NPAS1: variants seen among roughly 807,000 people sequenced by gnomAD.
NPAS1 encodes the protein neuronal PAS domain-containing protein 1.
A neutral mutation model predicts 49.2 loss-of-function variants in NPAS1; 29 were observed. The ratio of observed to expected loss-of-function variants is 0.59; its 90% CI spans 0.44 to 0.80. The LOEUF (loss-of-function observed/expected upper bound fraction) is 0.80, where lower values mean the gene tolerates loss of function less well. Among genes scored for constraint, NPAS1 ranks in the 30% least tolerant of loss-of-function variants. The pLI is 0.00. For synonymous variants in NPAS1, 408 were observed against 380.4 expected, an observed-to-expected ratio of 1.07 and a Z score of -0.84; for missense variants, 825 against 835.5, an observed-to-expected ratio of 0.99 and a Z score of 0.15.
chr19:47,032,629 T>C lies in NPAS1; in HGVS notation c.433-14T>C. The C allele has an allele frequency of 6.2e-7, 1 of 1,612,200 alleles. No homozygotes were observed. The highest frequency in any genetic ancestry group is 8.5e-7 in the Non-Finnish European group (1 of 1,178,322). On this transcript the variant is annotated splice_polypyrimidine_tract_variant and intron_variant, in intron 4 of 11. Coordinates refer to ENST00000602212, the MANE Select transcript of NPAS1 (RefSeq NM_002517.4). ...GGTCCTCTCCTTCCCCCTCCCTGTCTCTCCCGGCTCTAGTCCCTGGATGGC... is the reference window on the plus strand; with the variant it reads ...GGTCCTCTCCTTCCCCCTCCCTGTCCCTCCCGGCTCTAGTCCCTGGATGGC...
chr19:47,030,097 C>T (rs549001615), intron 3 of NPAS1, among the ~76,000 whole-genome samples: 1 of 152,314 alleles, frequency 6.6e-6, no homozygotes, highest in East Asian at 1.9e-4. Flanking sequence ...GATCTCAGCT[C>T]ACTGCAAGCT....
chr19:47,036,091 C>A lies in NPAS1; in HGVS notation c.650C>A (p.Ser217Tyr), dbSNP rs1390162083. 2.5e-6 allele frequency: 4 copies of A among 1,581,014 alleles called. No individual in the cohort carries two copies. The highest frequency in any genetic ancestry group is 3.4e-6 in the Non-Finnish European group (4 of 1,163,778). The change falls in exon 6 of 12, where the codon TCC becomes TAC. Residue 217 changes from serine (S) to tyrosine (Y), a missense_variant. Physicochemically the swap from Ser to Tyr is moderately radical, Grantham distance 144. Coordinates refer to ENST00000602212, the MANE Select transcript of NPAS1 (RefSeq NM_002517.4). ...PPTPPSVSSS[S>Y]SSSSSLADTP... ...ACCCCGCCCTCCGTCTCCTCTTCCTCCTCCTCTTCCTCTTCGCTTGCAGAT... is the reference window on the plus strand; with the variant it reads ...ACCCCGCCCTCCGTCTCCTCTTCCTACTCCTCTTCCTCTTCGCTTGCAGAT...
At position 47,039,063 on chromosome 19, in the gene NPAS1, C is replaced by A; in HGVS notation, c.716C>A (p.Ser239Tyr). 1 of 1,614,204 alleles carries A rather than the reference C, an allele frequency of 6.2e-7. No individual in the cohort carries two copies. The highest frequency in any genetic ancestry group is 8.5e-7 in the Non-Finnish European group (1 of 1,180,032). ...IEASLTKVPP[S>Y]SLVQERSFFV... ...GCCAGCCTCACCAAGGTGCCCCCCTCCTCCCTGGTCCAGGAGCGCTCCTTC... is the reference window on the plus strand; with the variant it reads ...GCCAGCCTCACCAAGGTGCCCCCCTACTCCCTGGTCCAGGAGCGCTCCTTC... The change falls in exon 7 of 12, where the codon TCC (serine) becomes TAC (tyrosine). Residue 239 changes from serine (S) to tyrosine (Y), a missense_variant. Coordinates refer to ENST00000602212, the MANE Select transcript of NPAS1 (RefSeq NM_002517.4).
rs769221410 is a variant in NPAS1, at chr19:47,036,078, G to A, written c.637G>A (p.Val213Ile). The change falls in exon 6 of 12, where the codon GTC becomes ATC. Residue 213 changes from valine (V) to isoleucine (I), a missense_variant. By Grantham distance (29) the Val-to-Ile change is conservative. Coordinates refer to ENST00000602212, the MANE Select transcript of NPAS1 (RefSeq NM_002517.4). Reference sequence around the variant, plus strand: ...GCCCGGCCCCCCAACCCCGCCCTCCGTCTCCTCTTCCTCCTCCTCTTCCTC... The same window carrying A: ...GCCCGGCCCCCCAACCCCGCCCTCCATCTCCTCTTCCTCCTCCTCTTCCTC... ...PTPGPPTPPSVSSSSSSSSSL... is the reference protein window; with the variant it reads ...PTPGPPTPPSISSSSSSSSSL... 41 of 1,591,150 alleles carry A rather than the reference G, an allele frequency of 2.6e-5. No homozygotes were observed. The highest frequency in any genetic ancestry group is 3.3e-4 in the Middle Eastern group (2 of 6,044).
At chr19:47,023,166 C>T (rs912424979) in intron 3 of NPAS1, among the ~76,000 whole-genome samples, 1 of 152,124 alleles carries the variant, frequency 6.6e-6, no homozygotes, top group Non-Finnish European at 1.5e-5. Flanking sequence ...TTGACTGGCG[C>T]GGAGAGAATG....
intron 3 of NPAS1, among the ~76,000 whole-genome samples, chr19:47,030,417 G>T (rs1417816436): frequency 6.6e-6 from 1 of 151,994 alleles, no homozygotes. Flanking sequence ...AATGATGTTG[G>T]GCATCTTTTC....
At chr19:47,023,805 C>T (rs902241518) in intron 3 of NPAS1, among the ~76,000 whole-genome samples, 8 of 151,902 alleles carry the variant, frequency 5.3e-5, no homozygotes, top group African/African-American at 1.7e-4. Context: ...AAACCATGTC[C>T]CTACAAAAAT....
At chr19:47,020,380 G>A (rs988612748) in intron 1 of NPAS1, among the ~76,000 whole-genome samples, 1 of 151,932 alleles carries the variant, frequency 6.6e-6, no homozygotes, top group African/African-American at 2.4e-5. Context: ...CTGCGTCCGG[G>A]GCTGGGGCTC....
At chr19:47,032,545 A>G in intron 4 of NPAS1, 98 bp from the exon 5 acceptor site, 1 of 1,218,242 alleles carries the variant, frequency 8.2e-7, no homozygotes, top group Non-Finnish European at 1.2e-6. Context: ...AGTCCACCTC[A>G]GGTGGAGACC....
chr19:47,024,705 C>G (rs542928684), intron 3 of NPAS1, among the ~76,000 whole-genome samples: 4 of 152,062 alleles, frequency 2.6e-5, no homozygotes, highest in Middle Eastern at 3.4e-3. Context: ...CTCTGGGCCT[C>G]AGTCCTCCAT....
intron 1 of NPAS1, 197 bp from the exon 2 acceptor site, chr19:47,020,809 C>T (rs2096664078): frequency 5.6e-6 from 2 of 357,106 alleles, no homozygotes; most frequent in African/African-American, 2.1e-5. Context: ...GGCGGCGGGG[C>T]ACGTCCTCAC....
At chr19:47,038,364 A>G (rs907564140) in intron 6 of NPAS1, among the ~76,000 whole-genome samples, 6 of 151,012 alleles carry the variant, frequency 4.0e-5, no homozygotes, top group Admixed American at 6.6e-5. Flanking sequence ...TAAAAATACA[A>G]AAACTAGCTG....
chr19:47,033,244 A>AT (rs373034169), intron 5 of NPAS1, among the ~76,000 whole-genome samples: 24,590 of 130,860 alleles, frequency 0.19, 2,243 homozygotes, highest in Middle Eastern at 0.3. Context: ...GATGAGGGCT[A>AT]TTTTTTTTTT....
rs1442231884 is a variant in NPAS1 at position 47,042,902 on chromosome 19, C to T, written c.1310C>T (p.Thr437Ile). 5 of 1,589,126 alleles carry T rather than the reference C, an allele frequency of 3.1e-6. No individual in the cohort carries two copies. In the East Asian group the frequency reaches 7.0e-5, roughly 22 times the overall value. Residue 437 changes from threonine (T) to isoleucine (I), a missense_variant and splice_region_variant, in exon 11 of 12, where the codon ACA (threonine) becomes ATA (isoleucine). Coordinates refer to ENST00000602212, the MANE Select transcript of NPAS1 (RefSeq NM_002517.4). Reference sequence around the variant, plus strand: ...GCATCCAGCCCGGGGCCAGAGCCCACAGGTGAGCCCCACCTCCCACCTTGG... The same window carrying T: ...GCATCCAGCCCGGGGCCAGAGCCCATAGGTGAGCCCCACCTCCCACCTTGG... The part of the protein sequence containing the change: ...EEASSPGPEP[T>I]EPEPPTEGKQ...
At chr19:47,039,313 C>A in intron 7 of NPAS1, 94 bp from the exon 8 acceptor site, 1 of 1,538,710 alleles carries the variant, frequency 6.5e-7, no homozygotes, top group Non-Finnish European at 8.9e-7. Context: ...TCCTCCAGCA[C>A]CTGTGGGGGA....
intron 3 of NPAS1, among the ~76,000 whole-genome samples, chr19:47,031,585 CA>C (rs986801629): frequency 6.9e-6 from 1 of 145,130 alleles, no homozygotes; most frequent in Non-Finnish European, 1.5e-5. Flanking sequence ...GGCTGGAGTG[CA>C]GTGGCATGAT....
At chr19:47,035,845 C>T (rs1420072447) in intron 5 of NPAS1, 119 bp from the exon 6 acceptor site, 3 of 1,007,800 alleles carry the variant, frequency 3.0e-6, no homozygotes, top group East Asian at 5.8e-5. Context: ...CTTAAAAAAA[C>T]ACACTGGCAT....
intron 3 of NPAS1, among the ~76,000 whole-genome samples, chr19:47,023,572 G>A (rs1184741619): frequency 1.3e-5 from 2 of 152,168 alleles, no homozygotes; most frequent in East Asian, 1.9e-4. Flanking sequence ...TAGTTCAGAG[G>A]AGGAGCTGAG....
Position 47,040,999 on chromosome 19 carries a change from T to G in NPAS1, c.1091T>G (p.Met364Arg). ...HVDLLDKGQV[M>R]TGYYRWLQRA... ...CCAGTGCTGGACAAGGGTCAGGTGATGACTGGTTACTACCGTTGGCTGCAG... is the reference window on the plus strand; with the variant it reads ...CCAGTGCTGGACAAGGGTCAGGTGAGGACTGGTTACTACCGTTGGCTGCAG... The change falls in exon 10 of 12, where the codon ATG (methionine) becomes AGG (arginine). Residue 364 changes from methionine to arginine, a missense_variant. Transcript: ENST00000602212. 2.0e-6 allele frequency: 3 copies of G among 1,525,020 alleles called. No homozygotes were observed. Among genetic ancestry groups the G allele is most frequent in the Non-Finnish European group, 2.6e-6 (3 of 1,136,808 alleles). 94.5% of individuals were successfully genotyped at this position (1,525,020 alleles called of 1,614,324 possible). A position where few individuals can be genotyped will look rare whatever the true frequency, so the allele number is the denominator to read the frequency against.
Sources: allele counts gnomAD v4.1 joint callset (sites outside exome capture counted in the v4.1 genomes callset), GRCh38; gene constraint gnomAD v4.1.1; transcripts MANE v1.5; gene names NCBI Gene and HGNC (gene_info 2026-07-23, HGNC 2026-07-21).